ZSWIM6: variants seen among roughly 807,000 people sequenced by gnomAD.
The protein encoded by ZSWIM6 is zinc finger SWIM domain-containing protein 6.
A neutral mutation model predicts 113.2 loss-of-function variants in ZSWIM6; 9 were observed. The observed-to-expected ratio is 0.08, with a 90% CI of 0.05 to 0.14. ZSWIM6 has a LOEUF of 0.14. Among genes scored for constraint, ZSWIM6 ranks in the 10% least tolerant of loss-of-function variants. The probability of loss-of-function intolerance (pLI) is 1.00; values close to 1 mark genes in which losing one functional copy is unlikely to be tolerated. For synonymous variants in ZSWIM6, 611 were observed against 606.5 expected (o/e 1.01, Z -0.11); for missense variants, 1,162 against 1,552.2 (o/e 0.75, Z 4.22).
rs1749263562 is a variant in ZSWIM6 at position 61,525,906 on chromosome 5, C to T, written c.1620C>T (p.Tyr540=). 1.9e-6 allele frequency: 3 copies of T among 1,552,050 alleles called. No individual in the cohort carries two copies. The highest frequency in any genetic ancestry group is 2.0e-5 in the Admixed American group (1 of 50,996). The change falls in exon 6 of 14, where the codon TAC becomes TAT. Residue 540 remains tyrosine (Y), a synonymous_variant. Transcript: ENST00000252744. The stretch of plus-strand genomic sequence containing the variant: ...AGCACATTATCAGCAGTGACCTATA[C>T]ACCAACTACTGTTACCATGACGACA... ...HLQHIISSDL[Y]TNYCYHDDTE...
At chr5:61,525,720 T>G in intron 5 of ZSWIM6, 80 bp from the exon 6 acceptor site, 1 of 1,492,514 alleles carries the variant, frequency 6.7e-7, no homozygotes, top group Non-Finnish European at 9.1e-7. Flanking sequence ...TTCATGAACA[T>G]CTGGCCACAG....
intron 10 of ZSWIM6, among the ~76,000 whole-genome samples, chr5:61,537,110 G>A (rs1749595828): frequency 6.6e-6 from 1 of 152,146 alleles, no homozygotes; most frequent in African/African-American, 2.4e-5. Flanking sequence ...TACTACCACT[G>A]GCAAAGTTTA....
chr5:61,503,448 A>C (rs1748527032), intron 4 of ZSWIM6, among the ~76,000 whole-genome samples: 1 of 152,206 alleles, frequency 6.6e-6, no homozygotes, highest in Non-Finnish European at 1.5e-5. Flanking sequence ...TGGAGAAGAG[A>C]GTGAGAAACA....
intron 1 of ZSWIM6, among the ~76,000 whole-genome samples, chr5:61,342,321 C>T (rs909619819): frequency 1.3e-5 from 2 of 152,132 alleles, no homozygotes; most frequent in African/African-American, 4.8e-5. Flanking sequence ...TAACCAGGTG[C>T]CAAATACTGC....
chr5:61,471,052 C>T (rs1431877371), intron 1 of ZSWIM6, among the ~76,000 whole-genome samples: 1 of 152,114 alleles, frequency 6.6e-6, no homozygotes, highest in East Asian at 1.9e-4. Flanking sequence ...TTCCAGAGTC[C>T]CCACATGGTA....
Position 61,443,431 on chromosome 5 carries a change from A to T in ZSWIM6, c.677-29250A>T, listed in dbSNP as rs534486223. 4.6e-5 allele frequency among the ~76,000 whole-genome samples: 7 copies of T among 152,336 alleles called. No individual in the cohort carries two copies. The South Asian group carries it at 1.4e-3, about 32-fold the overall frequency. On this transcript the variant is annotated intron_variant, in intron 1 of 13. Coordinates refer to ENST00000252744, the MANE Select transcript of ZSWIM6 (RefSeq NM_020928.2). ...CAAAGAAAGTTAAACACCACTTCAG[A>T]TTTGAAGTCCATCCTGTATAATTCT...
chr5:61,543,555 C>A lies in ZSWIM6; in HGVS notation c.2886C>A (p.Thr962=). The change falls in exon 14 of 14, where the codon ACC becomes ACA. Residue 962 remains threonine, a synonymous_variant. Coordinates refer to ENST00000252744, the MANE Select transcript of ZSWIM6 (RefSeq NM_020928.2). This position sits in a 1 kb window ranked among gnomAD's most constrained non-coding sequence, Gnocchi z 4.3. ...CAACTACCGTGATGTCCAACAGCAC[C>A]ATCGTCCGCCTCCACCTGGACTGCC... The part of the protein sequence containing the change: ...IVATTVMSNS[T]IVRLHLDCHQ... 6.4e-7 allele frequency: 1 copy of A among 1,551,664 alleles called. No individual in the cohort carries two copies. The highest frequency in any genetic ancestry group is 8.7e-7 in the Non-Finnish European group (1 of 1,146,998).
intron 1 of ZSWIM6, among the ~76,000 whole-genome samples, chr5:61,464,307 C>T (rs1259665201): frequency 6.6e-6 from 1 of 151,758 alleles, no homozygotes; most frequent in African/African-American, 2.4e-5. Flanking sequence ...AGGCGTGAGC[C>T]ACCATGCCTT....
At position 61,543,475 on chromosome 5, in the gene ZSWIM6, A is replaced by G; in HGVS notation, c.2806A>G (p.Ile936Val). 3 of 1,550,970 alleles carry G rather than the reference A, an allele frequency of 1.9e-6. No individual in the cohort carries two copies. The highest frequency in any genetic ancestry group is 3.3e-4 in the Middle Eastern group (2 of 5,992). The change falls in exon 14 of 14, where the codon ATC becomes GTC. Residue 936 changes from isoleucine (I) to valine (V), a missense_variant. By Grantham distance (29) the Ile-to-Val change is conservative (BLOSUM62 3). Transcript: ENST00000252744. The surrounding 1 kb of genome is among the most constrained non-coding windows in gnomAD (Gnocchi z 4.3). ...TGCAGGGGTTTATGCCCTGGACAGCATCATGCAGACCTGGTTTACACTCTT... is the reference window on the plus strand; with the variant it reads ...TGCAGGGGTTTATGCCCTGGACAGCGTCATGCAGACCTGGTTTACACTCTT... ...TEVGVYALDS[I>V]MQTWFTLFTP...
intron 1 of ZSWIM6, among the ~76,000 whole-genome samples, chr5:61,464,168 T>C: frequency 8.5e-6 from 1 of 118,206 alleles, no homozygotes; most frequent in South Asian, 3.0e-4. Context: ...ATTTTTTTTT[T>C]TTTTTTTTTT....
At chr5:61,511,352 T>C (rs916553381) in intron 4 of ZSWIM6, among the ~76,000 whole-genome samples, 5 of 152,150 alleles carry the variant, frequency 3.3e-5, no homozygotes, top group Non-Finnish European at 5.9e-5. Flanking sequence ...TTCTTCAAAA[T>C]CATAGAACTC....
chr5:61,425,435 A>C (rs990974227), intron 1 of ZSWIM6, among the ~76,000 whole-genome samples: 3 of 152,166 alleles, frequency 2.0e-5, no homozygotes, highest in African/African-American at 7.2e-5. Flanking sequence ...TAAAAAAGTT[A>C]ATTTAGTCAT....
chr5:61,464,453 T>A (rs1747388385), intron 1 of ZSWIM6, among the ~76,000 whole-genome samples: 1 of 152,098 alleles, frequency 6.6e-6, no homozygotes, highest in African/African-American at 2.4e-5. Context: ...CCACGGCCTC[T>A]CCTAGAGAAC....
At chr5:61,384,680 A>G (rs1461559650) in intron 1 of ZSWIM6, among the ~76,000 whole-genome samples, 48 of 152,142 alleles carry the variant, frequency 3.2e-4, no homozygotes, top group Admixed American at 3.1e-3. Context: ...GTGTCCCCCA[A>G]ACTGCTTAAA....
At chr5:61,357,067 G>A (rs1744930164) in intron 1 of ZSWIM6, among the ~76,000 whole-genome samples, 1 of 151,618 alleles carries the variant, frequency 6.6e-6, no homozygotes, top group South Asian at 2.1e-4. Flanking sequence ...CACATTCTTG[G>A]GCTTCACATA....
intron 3 of ZSWIM6, among the ~76,000 whole-genome samples, chr5:61,492,713 C>T (rs1022882696): frequency 6.6e-6 from 1 of 152,092 alleles, no homozygotes; most frequent in Non-Finnish European, 1.5e-5. Context: ...CTCTTGTAAG[C>T]ACAACCTTTG....
chr5:61,336,664 A>C (rs1269405956), intron 1 of ZSWIM6, among the ~76,000 whole-genome samples: 1 of 152,124 alleles, frequency 6.6e-6, no homozygotes, highest in African/African-American at 2.4e-5. Flanking sequence ...CTGAGGCAGA[A>C]GAATGGCTTG....
At chr5:61,356,726 TATATA>T (rs1443046683) in intron 1 of ZSWIM6, among the ~76,000 whole-genome samples, 1 of 69,716 alleles carries the variant, frequency 1.4e-5, no homozygotes, top group Non-Finnish European at 2.9e-5. Flanking sequence ...TATAACATAA[TATATA>T]ATATATATTA....
At chr5:61,521,076 G>A (rs1234623667) in intron 4 of ZSWIM6, among the ~76,000 whole-genome samples, 187 bp from the exon 5 acceptor site, 1 of 151,682 alleles carries the variant, frequency 6.6e-6, no homozygotes, top group East Asian at 1.9e-4. Context: ...AAAAATGACC[G>A]ACTTGGATCT....
Sources: allele counts gnomAD v4.1 joint callset (sites outside exome capture counted in the v4.1 genomes callset), GRCh38; gene constraint gnomAD v4.1.1; non-coding constraint Gnocchi (gnomAD v3.1); transcripts MANE v1.5; gene names NCBI Gene and HGNC (gene_info 2026-07-23, HGNC 2026-07-21).